Variants in ABCG5 observed in about 807,000 individuals in gnomAD.
ABCG5 encodes ATP binding cassette subfamily G member 5.
In ABCG5, 64 loss-of-function variants were observed where a neutral mutation model predicts 64.5. The ratio of observed to expected loss-of-function variants is 0.99; its 90% CI spans 0.81 to 1.22. ABCG5 has a LOEUF of 1.22. ABCG5 is among the 50% of genes most tolerant of loss of function. The probability of loss-of-function intolerance (pLI) is 0.00; values close to 1 mark genes in which losing one functional copy is unlikely to be tolerated. For synonymous variants in ABCG5, 385 were observed against 326.3 expected (o/e 1.18, Z -1.94); for missense variants, 908 against 829.5 (o/e 1.09, Z -1.16).
At chr2:43,807,141 A>G in the ABCG5 span, among the ~76,000 whole-genome samples, 1 of 152,096 alleles carries the variant, frequency 6.6e-6, no homozygotes, top group Admixed American at 6.5e-5. Context: ...ATTTCATACT[A>G]TTTCATGAGT....
Position 43,828,091 on chromosome 2 carries a change from T to G in ABCG5, c.526A>C (p.Ser176Arg). The G allele has an allele frequency of 1.2e-6, 2 of 1,614,008 alleles. No homozygotes were observed. Among genetic ancestry groups the G allele is most frequent in the Non-Finnish European group, 1.7e-6 (2 of 1,180,020 alleles). ...KKVEAVMAEL[S>R]LSHVADRLIG... ...AGTCGGTCTGCCACATGGCTCAGAC[T>G]CAGCTCTGCCATGACGGCCTCCACC... The change falls in exon 5 of 13, where the codon AGT becomes CGT. Residue 176 changes from serine (S) to arginine (R), a missense_variant. By Grantham distance (110) the Ser-to-Arg change is moderately radical. Coordinates refer to ENST00000405322, the MANE Select transcript of ABCG5 (RefSeq NM_022436.3).
intron 6 of ABCG5, 94 bp downstream of exon 6, chr2:43,826,288 C>T: frequency 6.3e-7 from 1 of 1,583,338 alleles, no homozygotes; most frequent in Non-Finnish European, 8.6e-7. Context: ...GTGTGAGCCA[C>T]TGTGCCTGGC....
chr2:43,833,056 C>T (rs770112785), intron 2 of ABCG5, among the ~76,000 whole-genome samples: 13 of 152,122 alleles, frequency 8.5e-5, no homozygotes, highest in East Asian at 1.9e-4. Context: ...GTGATCCTCC[C>T]GCCTCAGCCT....
At chr2:43,811,015 T>C (rs955586410), downstream of ABCG5, among the ~76,000 whole-genome samples, 1 of 152,224 alleles carries the variant, frequency 6.6e-6, no homozygotes, top group Non-Finnish European at 1.5e-5. Context: ...ATTTAATAGC[T>C]TGAAGTCACG....
At chr2:43,818,678 C>G (rs988726158) in intron 11 of ABCG5, among the ~76,000 whole-genome samples, 8 of 152,170 alleles carry the variant, frequency 5.3e-5, no homozygotes, top group African/African-American at 1.7e-4. Flanking sequence ...TAACAATCCA[C>G]TTAAGCAACA....
rs1667436547 is a variant in ABCG5, at chr2:43,824,121, GA to G, written c.1119-4del. 6.2e-7 allele frequency: 1 copy of G among 1,614,174 alleles called. No individual in the cohort carries two copies. Among genetic ancestry groups the G allele is most frequent in the Non-Finnish European group, 8.5e-7 (1 of 1,180,036 alleles). On this transcript the variant is annotated splice_region_variant and splice_polypyrimidine_tract_variant and intron_variant, in intron 8 of 12. Transcript: ENST00000405322. Reference sequence around the variant, plus strand: ...TCACCAAGTTTCTTGTCACTCTCCTGAAAACAAACAACCCTGTTTTAATTCC... The same window carrying G: ...TCACCAAGTTTCTTGTCACTCTCCTGAAACAAACAACCCTGTTTTAATTCC...
chr2:43,824,134 C>G lies in ABCG5; in HGVS notation c.1119-16G>C, dbSNP rs377341527. 9.9e-6 allele frequency: 16 copies of G among 1,614,032 alleles called. No individual in the cohort carries two copies. The highest frequency in any genetic ancestry group is 1.4e-5 in the Non-Finnish European group (16 of 1,180,016). ...TGTCACTCTCCTGAAAACAAACAACCCTGTTTTAATTCCTTTTCAGAATTG... is the reference window on the plus strand; with the variant it reads ...TGTCACTCTCCTGAAAACAAACAACGCTGTTTTAATTCCTTTTCAGAATTG... On this transcript the variant is annotated splice_polypyrimidine_tract_variant and intron_variant, in intron 8 of 12. Coordinates refer to ENST00000405322, the MANE Select transcript of ABCG5 (RefSeq NM_022436.3).
chr2:43,837,503 A>AC (rs1668352681), intron 2 of ABCG5, among the ~76,000 whole-genome samples: 1 of 152,114 alleles, frequency 6.6e-6, no homozygotes. Context: ...CTTAATGGGC[A>AC]TTTTTGTGCT....
chr2:43,835,256 AC>A (rs1668192249), intron 2 of ABCG5, among the ~76,000 whole-genome samples: 1 of 49,970 alleles, frequency 2.0e-5, no homozygotes, highest in African/African-American at 1.1e-4. Flanking sequence ...TTTGGGGTGC[AC>A]TTCTGAGCAT....
rs537054843 is a variant in ABCG5 at position 43,820,969 on chromosome 2, T to G, written c.1464-869A>C. Among the ~76,000 whole-genome samples, 4 of 152,230 alleles carry G rather than the reference T, an allele frequency of 2.6e-5. No individual in the cohort carries two copies. In the East Asian group the frequency reaches 7.7e-4, roughly 29 times the overall value. On this transcript the variant is annotated intron_variant, in intron 10 of 12. Coordinates refer to ENST00000405322, the MANE Select transcript of ABCG5 (RefSeq NM_022436.3). ...ATGCCTGGCCTGACCTTCATTTTCTTGTAAACAAACCACCCTATATCCATG... is the reference window on the plus strand; with the variant it reads ...ATGCCTGGCCTGACCTTCATTTTCTGGTAAACAAACCACCCTATATCCATG...
chr2:43,831,469 G>A (rs571383576), intron 4 of ABCG5, among the ~76,000 whole-genome samples: 1 of 152,152 alleles, frequency 6.6e-6, no homozygotes, highest in Non-Finnish European at 1.5e-5. Flanking sequence ...CACCCTGCCC[G>A]ACCTAAAAAT....
At chr2:43,817,264 C>T (rs1195069412) in intron 11 of ABCG5, among the ~76,000 whole-genome samples, 2 of 152,144 alleles carry the variant, frequency 1.3e-5, no homozygotes, top group Non-Finnish European at 2.9e-5. Context: ...GCAGGGAAAT[C>T]ACTTGAAGTC....
At chr2:43,820,374 C>A (rs1326119795) in intron 10 of ABCG5, among the ~76,000 whole-genome samples, 2 of 152,208 alleles carry the variant, frequency 1.3e-5, no homozygotes, top group Non-Finnish European at 1.5e-5. Context: ...ATTACTTAGA[C>A]AATGGTCACA....
At chr2:43,816,728 A>G (rs1350941929) in intron 11 of ABCG5, among the ~76,000 whole-genome samples, 1 of 152,158 alleles carries the variant, frequency 6.6e-6, no homozygotes, top group African/African-American at 2.4e-5. Flanking sequence ...TATGTTGTTA[A>G]ATGGGAAAAA....
At chr2:43,810,281 C>T (rs1336693756), downstream of ABCG5, 3 of 819,800 alleles carry the variant, frequency 3.7e-6, no homozygotes, top group African/African-American at 1.9e-5. Flanking sequence ...CCTAGAGTGT[C>T]GCCATCAGTG....
intron 12 of ABCG5, among the ~76,000 whole-genome samples, 187 bp from the exon 13 acceptor site, chr2:43,813,496 A>G (rs1363614809): frequency 1.3e-5 from 2 of 152,174 alleles, no homozygotes; most frequent in East Asian, 3.8e-4. Context: ...GAAGATGGAC[A>G]TGCTTTTGTT....
At chr2:43,810,049 G>T (rs1192963202), downstream of ABCG5, 15 of 790,364 alleles carry the variant, frequency 1.9e-5, no homozygotes, top group East Asian at 6.2e-4. Context: ...GCATGTATAA[G>T]TTTCTGCTTA....
intron 9 of ABCG5, 126 bp from the exon 10 acceptor site, chr2:43,823,061 G>T: frequency 1.5e-6 from 2 of 1,309,906 alleles, no homozygotes; most frequent in Non-Finnish European, 2.1e-6. Context: ...GGGTTCCCTA[G>T]TCATAGAAGG....
Position 43,822,822 on chromosome 2 carries a change from T to C in ABCG5, c.1438A>G (p.Met480Val). 1 of 1,614,160 alleles carries C rather than the reference T, an allele frequency of 6.2e-7. No individual in the cohort carries two copies. The highest frequency in any genetic ancestry group is 8.5e-7 in the Non-Finnish European group (1 of 1,180,032). ...CAGTAGCACACACTGCTGAAAATCA[T>C]GGTGGCAACAACGCTGAAGGGGAGG... The part of the protein sequence containing the change: ...HVLPFSVVAT[M>V]IFSSVCYWTL... Residue 480 changes from methionine (M) to valine (V), a missense_variant, in exon 10 of 13, where the codon ATG becomes GTG. Physicochemically the swap from Met to Val is conservative, Grantham distance 21. Coordinates refer to ENST00000405322, the MANE Select transcript of ABCG5 (RefSeq NM_022436.3).
Sources: allele counts gnomAD v4.1 joint callset (sites outside exome capture counted in the v4.1 genomes callset), GRCh38; gene constraint gnomAD v4.1.1; transcripts MANE v1.5; gene names NCBI Gene and HGNC (gene_info 2026-07-23, HGNC 2026-07-21).